Variants in CETN2 observed in about 807,000 individuals in gnomAD.
The protein encoded by CETN2 is centrin-2.
Under a neutral mutation model 12.6 loss-of-function variants are expected in CETN2, and 2 were observed. The ratio of observed to expected loss-of-function variants is 0.16; its 90% CI spans 0.07 to 0.50. The LOEUF (loss-of-function observed/expected upper bound fraction) is 0.50. Among genes scored for constraint, CETN2 ranks in the 20% least tolerant of loss-of-function variants. CETN2 has a pLI of 0.96. For missense variants in CETN2, 81 were observed against 128.3 expected (o/e 0.63, Z 1.78); for synonymous variants, 41 against 43.4 (o/e 0.94, Z 0.22).
rs1482771118 is a variant in CETN2 at position 152,827,238 on chromosome X, T to C, written c.*603A>G. ...TTTCTGTCCATAGGCTGGTAAGGAG[T>C]TTTGTATCTAATAGGCTGCCTTCAA... On this transcript the variant is annotated 3_prime_UTR_variant, in exon 5 of 5. Transcript: ENST00000370277. 1 of 111,594 alleles carries C rather than the reference T, an allele frequency of 9.0e-6. No individual in the cohort carries two copies. The highest frequency in any genetic ancestry group is 1.9e-5 in the Non-Finnish European group (1 of 53,103). The allele number at this position is 111,594 out of a possible 1,213,427, so 9.2% of individuals were successfully genotyped here.
chrX:152,830,639 G>T (rs1556843226), intron 1 of CETN2, 69 bp downstream of exon 1: 14 of 1,137,637 alleles, frequency 1.2e-5, no homozygotes, highest in Non-Finnish European at 1.5e-5. Context: ...GAGAGGCGGC[G>T]TGGCCGAGCT....
intron 3 of CETN2, 190 bp downstream of exon 3, chrX:152,828,959 T>C: frequency 2.1e-6 from 1 of 482,160 alleles, no homozygotes; most frequent in East Asian, 3.7e-5. Flanking sequence ...GGTATCTGCT[T>C]GGAAGTCTTG....
In CETN2 at chrX:152,829,621, A is replaced by G. The variant is rs150888300; in HGVS notation, c.143T>C (p.Ile48Thr). 5 of 1,191,543 alleles carry G rather than the reference A, an allele frequency of 4.2e-6. No individual in the cohort carries two copies. Among genetic ancestry groups the G allele is most frequent in the Non-Finnish European group, 5.7e-6 (5 of 883,864 alleles). ...DLFDADGTGT[I>T]DVKELKVAMR... ...GCTTGCCTTCAGTTCTTTAACATCT[A>G]TGGTGCCAGTTCCATCCGCATCGAA... The change falls in exon 2 of 5, where the codon ATA (isoleucine) becomes ACA (threonine). Residue 48 changes from isoleucine to threonine, a missense_variant. By Grantham distance (89) the Ile-to-Thr change is moderately conservative (BLOSUM62 -1). Coordinates refer to ENST00000370277, the MANE Select transcript of CETN2 (RefSeq NM_004344.3).
chrX:152,829,862 A>G, intron 1 of CETN2, 102 bp from the exon 2 acceptor site: 2 of 655,297 alleles, frequency 3.1e-6, no homozygotes, highest in South Asian at 5.4e-5. Context: ...AGTCATTTAT[A>G]TAACCAATTC....
chrX:152,828,875 C>G (rs782568507), intron 3 of CETN2: 8 of 443,689 alleles, frequency 1.8e-5, no homozygotes, highest in Non-Finnish European at 3.0e-5. Flanking sequence ...TCCAAGGTGA[C>G]GTTTGCTACC....
In CETN2 at chrX:152,830,531, G is replaced by A. The variant is rs782332131; in HGVS notation, c.3+177C>T. On this transcript the variant is annotated intron_variant, in intron 1 of 4. Transcript: ENST00000370277. ...TTGTGGGTGAAGAGGAGGCAGCAGC[G>A]AAGCGCAGGCCCAGTAGGTTGGTTA... Among the ~76,000 whole-genome samples, 3 of 112,974 alleles carry A rather than the reference G, an allele frequency of 2.7e-5. No homozygotes were observed. In the South Asian group the frequency reaches 1.1e-3, roughly 40 times the overall value.
Position 152,828,657 on chromosome X carries a change from T to C in CETN2, c.309A>G (p.Lys103=). The change falls in exon 4 of 5, where the codon AAA becomes AAG. Residue 103 remains lysine (K), a synonymous_variant. Coordinates refer to ENST00000370277, the MANE Select transcript of CETN2 (RefSeq NM_004344.3). ...GCTTGAAAGCTTTCAGGATTTCTTC[T>C]TTAGTATCTTTCTCAGACTTAACAA... The part of the protein sequence containing the change: ...MTQKMSEKDT[K]EEILKAFKLF... 3.3e-6 allele frequency: 4 copies of C among 1,208,701 alleles called. No individual in the cohort carries two copies. Among genetic ancestry groups the C allele is most frequent in the Non-Finnish European group, 4.5e-6 (4 of 893,749 alleles).
chrX:152,828,678 A>T lies in CETN2; in HGVS notation c.292-4T>A. The T allele has an allele frequency of 8.3e-7, 1 of 1,204,680 alleles. No homozygotes were observed. The highest frequency in any genetic ancestry group is 1.1e-6 in the Non-Finnish European group (1 of 891,151). ...CTTCTTTAGTATCTTTCTCAGACTT[A>T]ACAAGTAGAACATAAAACACATGAG... is the stretch of plus-strand genomic sequence containing the variant. On this transcript the variant is annotated splice_polypyrimidine_tract_variant and splice_region_variant and intron_variant, in intron 3 of 4. Transcript: ENST00000370277.
At chrX:152,828,130 G>T (rs1213323911) in intron 4 of CETN2, among the ~76,000 whole-genome samples, 200 bp from the exon 5 acceptor site, 1 of 111,132 alleles carries the variant, frequency 9.0e-6, no homozygotes, top group Non-Finnish European at 1.9e-5. Context: ...GCAAGCAATA[G>T]ACTTTTAATC....
intron 3 of CETN2, 83 bp from the exon 4 acceptor site, chrX:152,828,757 T>G (rs1245634642): frequency 1.4e-5 from 13 of 925,471 alleles, no homozygotes; most frequent in Middle Eastern, 2.8e-4. Context: ...CACTGCCTGG[T>G]CAGGTCACCC....
In CETN2 at chrX:152,829,257, G is replaced by T. The variant is rs1329860695; in HGVS notation, c.183C>A (p.Gly61=). Residue 61 remains glycine (G), a synonymous_variant, in exon 3 of 5, where the codon GGC becomes GGA. Coordinates refer to ENST00000370277, the MANE Select transcript of CETN2 (RefSeq NM_004344.3). ...TAATTTCTTCTTTCTTGGGTTCAAA[G>T]CCCAGGGCCCTCATTGCCACCTATA... is the stretch of plus-strand genomic sequence containing the variant. ...KELKVAMRAL[G]FEPKKEEIKK... 3 of 1,190,108 alleles carry T rather than the reference G, an allele frequency of 2.5e-6. No individual in the cohort carries two copies. Among genetic ancestry groups the T allele is most frequent in the Non-Finnish European group, 3.4e-6 (3 of 888,163 alleles).
chrX:152,828,736 T>A, intron 3 of CETN2, 62 bp from the exon 4 acceptor site: 1 of 1,038,031 alleles, frequency 9.6e-7, no homozygotes. Flanking sequence ...ACTACTGTCC[T>A]GTAGCCCTGC....
rs191810527 is a variant in CETN2 at position 152,830,352 on chromosome X, C to G, written c.3+356G>C. On this transcript the variant is annotated intron_variant, in intron 1 of 4. Coordinates refer to ENST00000370277, the MANE Select transcript of CETN2 (RefSeq NM_004344.3). The stretch of plus-strand genomic sequence containing the variant: ...CAGAACACGATACACCTTTTCCCAG[C>G]TGTGTGTGGAAATTTTGGCAGAATG... Among the ~76,000 whole-genome samples the G allele has an allele frequency of 7.2e-4, 82 of 113,283 alleles. 1 individual carries two copies. The highest frequency in any genetic ancestry group is 1.7e-4 in the Non-Finnish European group (9 of 53,437).
At position 152,829,262 on chromosome X, in the gene CETN2, G is replaced by A; in HGVS notation, c.178C>T (p.Leu60=). The change falls in exon 3 of 5, where the codon CTG becomes TTG. Residue 60 remains leucine, a synonymous_variant. Coordinates refer to ENST00000370277, the MANE Select transcript of CETN2 (RefSeq NM_004344.3). The stretch of plus-strand genomic sequence containing the variant: ...TCTTCTTTCTTGGGTTCAAAGCCCA[G>A]GGCCCTCATTGCCACCTATAAAGAA... ...VKELKVAMRA[L]GFEPKKEEIK... is the part of the protein sequence containing the mutation. The A allele has an allele frequency of 8.4e-7, 1 of 1,190,251 alleles. No homozygotes were observed. Among genetic ancestry groups the A allele is most frequent in the Non-Finnish European group, 1.1e-6 (1 of 887,618 alleles).
At chrX:152,827,987 G>C in intron 4 of CETN2, 57 bp from the exon 5 acceptor site, 1 of 976,680 alleles carries the variant, frequency 1.0e-6, no homozygotes, top group Non-Finnish European at 1.4e-6. Flanking sequence ...AGGTGACTAA[G>C]TAATAGACTT....
At chrX:152,829,114 G>A (rs1569470182) in intron 3 of CETN2, 35 bp downstream of exon 3, 1 of 1,201,016 alleles carries the variant, frequency 8.3e-7, no homozygotes, top group East Asian at 3.0e-5. Flanking sequence ...AGATGACTGG[G>A]GCTCCATACC....
At chrX:152,828,850 A>G in intron 3 of CETN2, 176 bp from the exon 4 acceptor site, 1 of 476,625 alleles carries the variant, frequency 2.1e-6, no homozygotes, top group Non-Finnish European at 3.5e-6. Flanking sequence ...AACACCAGGC[A>G]AGCCAGGCAC....
intron 1 of CETN2, among the ~76,000 whole-genome samples, chrX:152,830,356 G>A (rs782421470): frequency 4.4e-5 from 5 of 113,465 alleles, no homozygotes; most frequent in Admixed American, 1.8e-4. Context: ...TCCCAGCTGT[G>A]TGTGGAAATT....
chrX:152,828,419 G>C, intron 4 of CETN2, 118 bp downstream of exon 4: 1 of 814,313 alleles, frequency 1.2e-6, no homozygotes, highest in Non-Finnish European at 1.7e-6. Flanking sequence ...TGTCTGCAGA[G>C]GGACAAAGTA....
Sources: allele counts gnomAD v4.1 joint callset (sites outside exome capture counted in the v4.1 genomes callset), GRCh38; gene constraint gnomAD v4.1.1; transcripts MANE v1.5; gene names NCBI Gene and HGNC (gene_info 2026-07-23, HGNC 2026-07-21).